The following PDGFD variants were observed in gnomAD, a reference collection of about 807,000 sequenced individuals.
PDGFD encodes the protein platelet-derived growth factor D.
Under a neutral mutation model 44.7 loss-of-function variants are expected in PDGFD, and 30 were observed. That is an observed-to-expected ratio of 0.67 (90% CI 0.50 to 0.91). The LOEUF (loss-of-function observed/expected upper bound fraction) is 0.91. PDGFD is among the 40% of genes least tolerant of loss of function. The pLI is 0.00. For missense variants in PDGFD, 445 were observed against 457.8 expected (o/e 0.97, Z 0.25); for synonymous variants, 173 against 168.4 (o/e 1.03, Z -0.21).
intron 1 of PDGFD, among the ~76,000 whole-genome samples, chr11:104,095,285 G>A (rs997783095): frequency 2.7e-5 from 4 of 149,500 alleles, no homozygotes; most frequent in South Asian, 2.1e-4. Flanking sequence ...AGAGTTTGAC[G>A]TTTTTTTTTC....
intron 3 of PDGFD, among the ~76,000 whole-genome samples, chr11:103,978,393 C>T (rs1302801773): frequency 7.2e-5 from 11 of 151,908 alleles, no homozygotes; most frequent in African/African-American, 1.4e-4. Context: ...AATTAACTAA[C>T]GAAACATGTA....
intron 6 of PDGFD, among the ~76,000 whole-genome samples, chr11:103,912,334 T>C (rs545535774): frequency 1.3e-5 from 2 of 152,262 alleles, no homozygotes; most frequent in Admixed American, 1.3e-4. Context: ...TCCACATTCT[T>C]AAAGAAAATA....
chr11:103,975,309 A>G (rs1054122412), intron 3 of PDGFD, among the ~76,000 whole-genome samples: 1 of 152,124 alleles, frequency 6.6e-6, no homozygotes, highest in African/African-American at 2.4e-5. Flanking sequence ...GTGTCTGTTC[A>G]TATCATTGCC....
intron 2 of PDGFD, among the ~76,000 whole-genome samples, chr11:103,996,894 G>A (rs778567255): frequency 1.2e-4 from 19 of 152,178 alleles, no homozygotes; most frequent in Non-Finnish European, 1.5e-5. Flanking sequence ...TTAAACCAGG[G>A]TGTGAATGAG....
intron 1 of PDGFD, among the ~76,000 whole-genome samples, chr11:104,069,272 T>C (rs997908830): frequency 1.1e-4 from 17 of 152,230 alleles, no homozygotes; most frequent in Non-Finnish European, 2.2e-4. Flanking sequence ...AGATTCAGTA[T>C]GTACACTTTT....
At chr11:103,999,511 A>C (rs190704143) in intron 2 of PDGFD, among the ~76,000 whole-genome samples, 4 of 152,240 alleles carry the variant, frequency 2.6e-5, no homozygotes, top group Admixed American at 2.6e-4. Context: ...GAGCACAGGG[A>C]ATCTGGGGTG....
At chr11:104,130,000 G>GAA (rs34312271) in intron 1 of PDGFD, among the ~76,000 whole-genome samples, 1,825 of 128,514 alleles carry the variant, frequency 0.014, 20 homozygotes, top group Non-Finnish European at 0.018. Flanking sequence ...CAAGACCTCT[G>GAA]AAAAAAAAAA....
intron 3 of PDGFD, among the ~76,000 whole-genome samples, chr11:103,991,944 G>C (rs1326370602): frequency 1.1e-4 from 17 of 152,074 alleles, no homozygotes. Flanking sequence ...TCTACCGGGG[G>C]GAGCCTTGTA....
At chr11:104,082,815 A>T (rs111579633) in intron 1 of PDGFD, among the ~76,000 whole-genome samples, 2 of 152,034 alleles carry the variant, frequency 1.3e-5, no homozygotes, top group African/African-American at 4.8e-5. Flanking sequence ...AAATTTTTGT[A>T]GAGACAGGGT....
chr11:104,073,161 A>G (rs1860905529), intron 1 of PDGFD, among the ~76,000 whole-genome samples: 1 of 152,136 alleles, frequency 6.6e-6, no homozygotes, highest in African/African-American at 2.4e-5. Context: ...TAGCATAAAA[A>G]AAGATTCAAC....
chr11:103,915,986 AC>A (rs1425090692), intron 6 of PDGFD, among the ~76,000 whole-genome samples: 1 of 152,180 alleles, frequency 6.6e-6, no homozygotes, highest in South Asian at 2.1e-4. Context: ...AACCATAAAA[AC>A]CCAGAAGAAA....
At chr11:104,099,069 A>T (rs909164646) in intron 1 of PDGFD, among the ~76,000 whole-genome samples, 29 of 152,188 alleles carry the variant, frequency 1.9e-4, no homozygotes, top group African/African-American at 2.4e-5. Flanking sequence ...AGTTCTCATG[A>T]TAACACTAGG....
At chr11:104,137,221 TG>T (rs1235246232) in intron 1 of PDGFD, among the ~76,000 whole-genome samples, 1 of 152,204 alleles carries the variant, frequency 6.6e-6, no homozygotes, top group Non-Finnish European at 1.5e-5. Context: ...GAAGATCCTT[TG>T]TTTGATATGG....
intron 1 of PDGFD, among the ~76,000 whole-genome samples, chr11:104,072,165 T>C (rs1482773113): frequency 6.6e-6 from 1 of 151,884 alleles, no homozygotes; most frequent in Non-Finnish European, 1.5e-5. Context: ...ATTTATAAAA[T>C]ACAAAAACTG....
At chr11:104,078,487 C>G (rs777187881) in intron 1 of PDGFD, among the ~76,000 whole-genome samples, 34 of 89,810 alleles carry the variant, frequency 3.8e-4, no homozygotes, top group Non-Finnish European at 6.8e-4. Context: ...TACCCTACCA[C>G]TCTCTCCCTC....
chr11:103,915,686 A>C (rs551619856), intron 6 of PDGFD, among the ~76,000 whole-genome samples: 26 of 152,220 alleles, frequency 1.7e-4, no homozygotes, highest in Admixed American at 9.8e-4. Context: ...TACCTGACTT[A>C]AAACTATACT....
At chr11:103,950,571 A>AAAATAAATAAATAAATAAATAAATAAAT (rs112585777) in intron 3 of PDGFD, among the ~76,000 whole-genome samples, 24 of 146,270 alleles carry the variant, frequency 1.6e-4, no homozygotes, top group East Asian at 1.0e-3. Flanking sequence ...CTCAAAAGAA[A>AAAATAAATAAATAAATAAATAAATAAAT]AAATAAATAA....
Position 104,092,117 on chromosome 11 carries a change from G to C in PDGFD, c.124+71687C>G, listed in dbSNP as rs73608377. 5.4e-3 allele frequency among the ~76,000 whole-genome samples: 819 copies of C among 152,258 alleles called. 8 individuals carry two copies. The highest frequency in any genetic ancestry group is 0.017 in the African/African-American group (692 of 41,554). ...CCTAAGCCATGGCTCAGAGAGCAAGGTGATGTTCCTAAGATCACATAGCTA... is the reference window on the plus strand; with the variant it reads ...CCTAAGCCATGGCTCAGAGAGCAAGCTGATGTTCCTAAGATCACATAGCTA... On this transcript the variant is annotated intron_variant, in intron 1 of 6. Coordinates refer to ENST00000393158, the MANE Select transcript of PDGFD (RefSeq NM_025208.5).
chr11:103,929,817 A>C (rs1858372412), intron 5 of PDGFD, among the ~76,000 whole-genome samples: 1 of 152,206 alleles, frequency 6.6e-6, no homozygotes, highest in Non-Finnish European at 1.5e-5. Context: ...GCAGCAGAGC[A>C]GGGAGCCAGA....
Sources: gnomAD v4.1 joint callset for allele counts (sites outside exome capture counted in the v4.1 genomes callset) on GRCh38, gnomAD v4.1.1 for gene constraint, MANE v1.5 for transcripts, NCBI Gene and HGNC (gene_info 2026-07-23, HGNC 2026-07-21) for gene names.